The following LINGO2 variants were observed in gnomAD, a reference collection of about 807,000 sequenced individuals.
The protein encoded by LINGO2 is leucine rich repeat and Ig domain containing 2.
LINGO2 carries 14 observed loss-of-function variants against 30.6 expected under a neutral mutation model. The observed-to-expected ratio is 0.46, with a 90% CI of 0.30 to 0.72. The LOEUF is 0.72. LINGO2 is among the 30% of genes least tolerant of loss of function. The probability of loss-of-function intolerance (pLI) is 0.07; values close to 1 mark genes in which losing one functional copy is unlikely to be tolerated. For synonymous variants in LINGO2, 317 were observed against 288.5 expected (o/e 1.10, Z -1.00); for missense variants, 729 against 751.7 (o/e 0.97, Z 0.35).
chr9:28,288,951 T>G (rs546858520), intron 4 of LINGO2, among the ~76,000 whole-genome samples: 56 of 152,320 alleles, frequency 3.7e-4, no homozygotes, highest in African/African-American at 1.3e-3. Context: ...ATCTTTTATA[T>G]CCTGTCTTTA....
chr9:29,018,661 T>C, the LINGO2 span, among the ~76,000 whole-genome samples: 1 of 152,136 alleles, frequency 6.6e-6, no homozygotes, highest in Non-Finnish European at 1.5e-5. Context: ...ATTCAGTGGC[T>C]GAGCTGGAAT....
chr9:28,268,013 A>C (rs921201155), intron 4 of LINGO2, among the ~76,000 whole-genome samples: 2 of 152,112 alleles, frequency 1.3e-5, no homozygotes, highest in Non-Finnish European at 2.9e-5. Context: ...ACTCAGAATA[A>C]TGCCTTACAA....
At chr9:28,558,746 A>G (rs1386339051) in intron 1 of LINGO2, among the ~76,000 whole-genome samples, 3 of 152,036 alleles carry the variant, frequency 2.0e-5, no homozygotes, top group Non-Finnish European at 2.9e-5. Flanking sequence ...AGAAAGAAAA[A>G]AGCTGAATCT....
chr9:28,864,586 A>C, the LINGO2 span, among the ~76,000 whole-genome samples: 2 of 152,132 alleles, frequency 1.3e-5, no homozygotes, highest in Non-Finnish European at 2.9e-5. Flanking sequence ...TGAAAATTTC[A>C]ACATTTTTCA....
chr9:28,388,863 T>C (rs1407497219), intron 2 of LINGO2, among the ~76,000 whole-genome samples: 1 of 152,090 alleles, frequency 6.6e-6, no homozygotes, highest in Non-Finnish European at 1.5e-5. Context: ...CAACTGTAAA[T>C]ATTTGACTTG....
At chr9:28,845,857 A>G in the LINGO2 span, among the ~76,000 whole-genome samples, 1 of 151,700 alleles carries the variant, frequency 6.6e-6, no homozygotes, top group Non-Finnish European at 1.5e-5. Context: ...TCTATGTGCC[A>G]ACTTTTGTCT....
intron 4 of LINGO2, among the ~76,000 whole-genome samples, chr9:28,293,879 C>T (rs1823830615): frequency 6.6e-6 from 1 of 152,152 alleles, no homozygotes; most frequent in Non-Finnish European, 1.5e-5. Context: ...AAGCATAGAA[C>T]TCGGTTTCAC....
chr9:29,048,099 A>G, the LINGO2 span, among the ~76,000 whole-genome samples: 1 of 152,110 alleles, frequency 6.6e-6, no homozygotes, highest in Non-Finnish European at 1.5e-5. Flanking sequence ...TGAGTAAGTG[A>G]GACTCTGTCT....
Position 28,233,033 on chromosome 9 carries a change from T to C in LINGO2, c.-87+62175A>G, listed in dbSNP as rs527791749. Reference sequence around the variant, plus strand: ...CTCATGAGAGAGACAGTAAACATTATATATATATATATATATATATATATA... The same window carrying C: ...CTCATGAGAGAGACAGTAAACATTACATATATATATATATATATATATATA... On this transcript the variant is annotated intron_variant, in intron 4 of 5. Coordinates refer to ENST00000379992, the Ensembl canonical transcript of LINGO2. Among the ~76,000 whole-genome samples, 221 of 65,652 alleles carry C rather than the reference T, an allele frequency of 3.4e-3. 4 individuals are homozygous for C. Among genetic ancestry groups the C allele is most frequent in the African/African-American group, 0.013 (210 of 15,838 alleles). 43.1% of individuals were successfully genotyped at this position (65,652 alleles called of 152,430 possible). A position where few individuals can be genotyped will look rare whatever the true frequency, so the allele number is the denominator to read the frequency against.
intron 4 of LINGO2, among the ~76,000 whole-genome samples, chr9:28,217,645 T>A (rs896532105): frequency 2.0e-5 from 3 of 152,040 alleles, no homozygotes; most frequent in Non-Finnish European, 4.4e-5. Context: ...GTTTATATTG[T>A]CTCCTTTATT....
rs79985997 is a variant in LINGO2 at position 28,467,775 on chromosome 9, G to A, written c.-279+8165C>T. Among the ~76,000 whole-genome samples the A allele has an allele frequency of 9.4e-3, 1,437 of 152,090 alleles. 23 individuals are homozygous for A. Among genetic ancestry groups the A allele is most frequent in the African/African-American group, 0.033 (1,354 of 41,522 alleles). On this transcript the variant is annotated intron_variant, in intron 2 of 5. Coordinates refer to ENST00000379992, the Ensembl canonical transcript of LINGO2. ...CATAGATTGCAAATAAAAGTCACAT[G>A]AAAAATTAATCTTTACCTTTGAGTC...
At chr9:28,884,272 A>G in the LINGO2 span, among the ~76,000 whole-genome samples, 1 of 152,166 alleles carries the variant, frequency 6.6e-6, no homozygotes, top group South Asian at 2.1e-4. Context: ...TGTGTCTGGC[A>G]TATATAATCC....
At chr9:28,336,558 T>G (rs1825595980) in intron 3 of LINGO2, among the ~76,000 whole-genome samples, 2 of 152,196 alleles carry the variant, frequency 1.3e-5, no homozygotes, top group Non-Finnish European at 2.9e-5. Flanking sequence ...TACACTTAGA[T>G]CTACAATCCA....
the LINGO2 span, among the ~76,000 whole-genome samples, chr9:29,020,513 T>A: frequency 1.3e-5 from 2 of 152,166 alleles, no homozygotes; most frequent in Admixed American, 6.5e-5. Context: ...ATCTCTAGAA[T>A]ATGACTTTAT....
the LINGO2 span, among the ~76,000 whole-genome samples, chr9:28,793,303 G>C: frequency 6.6e-6 from 1 of 152,044 alleles, no homozygotes; most frequent in Non-Finnish European, 1.5e-5. Context: ...AGAAGATATG[G>C]GATGATTAAA....
intron 1 of LINGO2, among the ~76,000 whole-genome samples, chr9:28,567,531 G>A (rs1356793523): frequency 1.3e-5 from 2 of 152,026 alleles, no homozygotes; most frequent in African/African-American, 4.8e-5. Flanking sequence ...TATCCTAAGT[G>A]AAATAACTCA....
the LINGO2 span, among the ~76,000 whole-genome samples, chr9:28,841,920 T>C: frequency 2.0e-5 from 3 of 151,830 alleles, no homozygotes; most frequent in Non-Finnish European, 4.4e-5. Flanking sequence ...CTCATTTAGA[T>C]AATCTGTTGT....
At chr9:28,942,662 T>A in the LINGO2 span, among the ~76,000 whole-genome samples, 2 of 152,194 alleles carry the variant, frequency 1.3e-5, no homozygotes, top group Non-Finnish European at 2.9e-5. Flanking sequence ...AACTGAGCAA[T>A]TTTCTTATTT....
At chr9:28,893,044 T>G in the LINGO2 span, among the ~76,000 whole-genome samples, 1 of 152,034 alleles carries the variant, frequency 6.6e-6, no homozygotes, top group Non-Finnish European at 1.5e-5. Flanking sequence ...TTATACATGC[T>G]TGATGCTTAA....
Sources: allele counts gnomAD v4.1 joint callset (sites outside exome capture counted in the v4.1 genomes callset), GRCh38; gene constraint gnomAD v4.1.1; transcripts MANE v1.5; gene names NCBI Gene and HGNC (gene_info 2026-07-23, HGNC 2026-07-21).